The following RNF150 variants were observed in gnomAD, a reference collection of about 807,000 sequenced individuals.
RNF150 encodes the protein ring finger protein 150.
Under a neutral mutation model 39.3 loss-of-function variants are expected in RNF150, and 24 were observed. The ratio of observed to expected loss-of-function variants is 0.61; its 90% CI spans 0.44 to 0.86. The LOEUF (loss-of-function observed/expected upper bound fraction) is 0.86. Ranked by LOEUF, RNF150 falls within the 40% of genes least tolerant of loss-of-function variation. The probability of loss-of-function intolerance (pLI) is 0.00; values close to 1 mark genes in which losing one functional copy is unlikely to be tolerated. For missense variants in RNF150, 502 were observed against 587.8 expected (o/e 0.85, Z 1.51); for synonymous variants, 255 against 227.3 (o/e 1.12, Z -1.10).
intron 1 of RNF150, among the ~76,000 whole-genome samples, chr4:141,151,950 G>T (rs1234902237): frequency 6.6e-6 from 1 of 151,922 alleles, no homozygotes; most frequent in Non-Finnish European, 1.5e-5. Flanking sequence ...TTTAATTTTT[G>T]GAAAAATTCA....
At chr4:141,134,678 T>C (rs1271506181), upstream of RNF150, among the ~76,000 whole-genome samples, 1 of 152,230 alleles carries the variant, frequency 6.6e-6, no homozygotes, top group East Asian at 1.9e-4. Context: ...GCATTTGATG[T>C]GCTGAATTTG....
At chr4:140,963,813 A>C (rs1244824481) in intron 2 of RNF150, among the ~76,000 whole-genome samples, 2 of 152,068 alleles carry the variant, frequency 1.3e-5, no homozygotes, top group African/African-American at 4.8e-5. Flanking sequence ...CATTGGAAAG[A>C]CATTGGTTAA....
intron 5 of RNF150, among the ~76,000 whole-genome samples, chr4:140,912,196 A>G (rs874774): frequency 0.43 from 65,723 of 152,012 alleles, 14,692 homozygotes; most frequent in East Asian, 0.74. Context: ...TTACTCTTTT[A>G]TCTCAGTTCT....
intron 1 of RNF150, among the ~76,000 whole-genome samples, chr4:141,076,271 A>G (rs1463499823): frequency 5.3e-5 from 8 of 152,128 alleles, no homozygotes. Flanking sequence ...TTGCCTCTCT[A>G]CTACCCTTGA....
At chr4:141,007,818 C>T (rs1158577970) in intron 1 of RNF150, among the ~76,000 whole-genome samples, 1 of 152,098 alleles carries the variant, frequency 6.6e-6, no homozygotes, top group African/African-American at 2.4e-5. Flanking sequence ...CTGGTTGATC[C>T]CAGAGAGGTA....
rs1182713354 is a variant in RNF150 at position 141,000,046 on chromosome 4, AG to A, written c.485-32174del. Among the ~76,000 whole-genome samples, 875 of 96,046 alleles carry A rather than the reference AG, an allele frequency of 9.1e-3. 103 individuals carry two copies. The highest frequency in any genetic ancestry group is 0.014 in the Non-Finnish European group (613 of 44,360). The allele number at this position is 96,046 out of a possible 152,430, so 63.0% of individuals were successfully genotyped here. ...AAGAAGAAGAAGAAGAAGAAGAAGAAGAAGAAGAAGAAGAAGAAGAAGAAGA... is the reference window on the plus strand; with the variant it reads ...AAGAAGAAGAAGAAGAAGAAGAAGAAAAGAAGAAGAAGAAGAAGAAGAAGA... On this transcript the variant is annotated intron_variant, in intron 1 of 6. Coordinates refer to ENST00000515673, the MANE Select transcript of RNF150 (RefSeq NM_020724.2).
chr4:141,182,405 T>C (rs1187791166), intron 1 of RNF150, among the ~76,000 whole-genome samples: 26 of 15,836 alleles, frequency 1.6e-3, no homozygotes, highest in Non-Finnish European at 3.1e-3. Context: ...TGTTTGCAGA[T>C]GACATGATTG....
At chr4:141,056,791 C>T (rs1164264970) in intron 1 of RNF150, among the ~76,000 whole-genome samples, 1 of 152,014 alleles carries the variant, frequency 6.6e-6, no homozygotes, top group Non-Finnish European at 1.5e-5. Context: ...GTTAGAGAAT[C>T]ACGGCTTATT....
chr4:140,914,880 T>A (rs1014444386), intron 5 of RNF150, among the ~76,000 whole-genome samples: 1 of 152,160 alleles, frequency 6.6e-6, no homozygotes, highest in Non-Finnish European at 1.5e-5. Flanking sequence ...AATAACAACA[T>A]CCTCAGTTTC....
At chr4:140,894,197 T>C (rs1457348286) in intron 6 of RNF150, among the ~76,000 whole-genome samples, 4 of 151,972 alleles carry the variant, frequency 2.6e-5, no homozygotes, top group Non-Finnish European at 4.4e-5. Flanking sequence ...CCTAAATTCC[T>C]TCAGAGGAGG....
intron 1 of RNF150, among the ~76,000 whole-genome samples, chr4:141,024,250 ACTC>A (rs1455892678): frequency 6.6e-6 from 1 of 151,888 alleles, no homozygotes; most frequent in Non-Finnish European, 1.5e-5. Context: ...ATGAGGAAAA[ACTC>A]CTTCTATCAT....
At chr4:141,078,515 T>C (rs1464547405) in intron 1 of RNF150, among the ~76,000 whole-genome samples, 2 of 151,574 alleles carry the variant, frequency 1.3e-5, no homozygotes, top group Non-Finnish European at 2.9e-5. Flanking sequence ...GATATGTTCA[T>C]AATCACGCCT....
intron 1 of RNF150, among the ~76,000 whole-genome samples, chr4:141,089,266 A>G (rs1044250295): frequency 2.0e-5 from 3 of 151,936 alleles, no homozygotes; most frequent in African/African-American, 7.3e-5. Context: ...TCAAATCAAG[A>G]GATAATAGGT....
intron 6 of RNF150, among the ~76,000 whole-genome samples, chr4:140,893,481 G>C (rs899293517): frequency 6.6e-6 from 1 of 152,210 alleles, no homozygotes; most frequent in East Asian, 1.9e-4. Context: ...AGTAGGCTAA[G>C]AGAAACAAGA....
At chr4:141,032,512 G>C (rs1735986929) in intron 1 of RNF150, among the ~76,000 whole-genome samples, 2 of 152,080 alleles carry the variant, frequency 1.3e-5, no homozygotes. Flanking sequence ...CTCTGTGGCT[G>C]TGGTAATCAT....
intron 6 of RNF150, among the ~76,000 whole-genome samples, chr4:140,904,319 G>A (rs1730296569): frequency 1.3e-5 from 2 of 152,246 alleles, no homozygotes; most frequent in Non-Finnish European, 2.9e-5. Context: ...GAAGATGACA[G>A]TGGGGCCTAA....
At chr4:140,992,169 G>C (rs905754958) in intron 1 of RNF150, among the ~76,000 whole-genome samples, 1 of 152,036 alleles carries the variant, frequency 6.6e-6, no homozygotes, top group East Asian at 1.9e-4. Context: ...GAGTACACAG[G>C]AATTTCAAGA....
chr4:141,006,872 C>G (rs1734889807), intron 1 of RNF150, among the ~76,000 whole-genome samples: 1 of 152,082 alleles, frequency 6.6e-6, no homozygotes, highest in Non-Finnish European at 1.5e-5. Flanking sequence ...TAGATATTTC[C>G]TCCTTTAAAG....
chr4:141,136,419 C>T (rs1727028415), upstream of RNF150, among the ~76,000 whole-genome samples: 1 of 152,054 alleles, frequency 6.6e-6, no homozygotes, highest in African/African-American at 2.4e-5. Flanking sequence ...GAATTTGAGC[C>T]CAATTCATGA....
Sources: allele counts gnomAD v4.1 joint callset (sites outside exome capture counted in the v4.1 genomes callset), GRCh38; gene constraint gnomAD v4.1.1; transcripts MANE v1.5; gene names NCBI Gene and HGNC (gene_info 2026-07-23, HGNC 2026-07-21).